CHODL: variants seen among roughly 807,000 people sequenced by gnomAD.
The protein encoded by CHODL is transmembrane protein MT75.
Under a neutral mutation model 34.5 loss-of-function variants are expected in CHODL, and 29 were observed. That is an observed-to-expected ratio of 0.84 (90% CI 0.63 to 1.15). The LOEUF is 1.15. Among genes scored for constraint, CHODL ranks in the 50% most tolerant of loss-of-function variants. The pLI, the probability that CHODL is intolerant of heterozygous loss-of-function variation, is 0.00. For missense variants in CHODL, 332 were observed against 332.5 expected (o/e 1.00, Z 0.01); for synonymous variants, 125 against 116.1 (o/e 1.08, Z -0.49).
Position 17,962,439 on chromosome 21 carries a change from A to G in CHODL, c.-145+45039A>G, listed in dbSNP as rs114367581. On this transcript the variant is annotated intron_variant, in intron 1 of 6. Transcript: ENST00000400127. ...TCATGAGCTGAAGGTAGATTTGGGC[A>G]GTGATTCTGAAACAGATTCTCTTGA... 2.1e-3 allele frequency among the ~76,000 whole-genome samples: 324 copies of G among 152,264 alleles called. 1 individual carries two copies. The highest frequency in any genetic ancestry group is 7.4e-3 in the African/African-American group (309 of 41,560).
At chr21:18,034,945 T>C (rs571828252) in intron 2 of CHODL, among the ~76,000 whole-genome samples, 1 of 152,120 alleles carries the variant, frequency 6.6e-6, no homozygotes, top group South Asian at 2.1e-4. Flanking sequence ...TCATCTCAGA[T>C]GAGAGAAACA....
chr21:18,077,894 C>G (rs1002886534), intron 2 of CHODL, among the ~76,000 whole-genome samples: 3 of 152,272 alleles, frequency 2.0e-5, no homozygotes, highest in African/African-American at 2.4e-5. Context: ...CTTTCTCCTT[C>G]TTTTCCCAAC....
chr21:18,204,175 C>G (rs2073686572), intron 2 of CHODL, among the ~76,000 whole-genome samples: 1 of 152,022 alleles, frequency 6.6e-6, no homozygotes, highest in Admixed American at 6.5e-5. Context: ...GCTAAGAGAA[C>G]ATATTTTGAA....
intron 2 of CHODL, among the ~76,000 whole-genome samples, chr21:18,162,046 T>A (rs1456620783): frequency 6.6e-6 from 1 of 152,166 alleles, no homozygotes; most frequent in Non-Finnish European, 1.5e-5. Context: ...CCACCTGTAA[T>A]TTATGCTCTC....
intron 1 of CHODL, among the ~76,000 whole-genome samples, chr21:17,971,482 C>G (rs1329448179): frequency 6.6e-6 from 1 of 152,268 alleles, no homozygotes; most frequent in South Asian, 2.1e-4. Flanking sequence ...CTCTAATGAC[C>G]AGTGATGATG....
rs1297884785 is a variant in CHODL at position 18,266,712 on chromosome 21, T to A, written c.*674T>A. The stretch of plus-strand genomic sequence containing the variant: ...TATAAACCTCCTCAAACATTTTACT[T>A]AGAGGCAAGGATTGTCTAATTTCAA... On this transcript the variant is annotated 3_prime_UTR_variant, in exon 6 of 6. Coordinates refer to ENST00000299295, the MANE Select transcript of CHODL (RefSeq NM_024944.3). 1 of 152,778 alleles carries A rather than the reference T, an allele frequency of 6.5e-6. No homozygotes were observed. Among genetic ancestry groups the A allele is most frequent in the Non-Finnish European group, 1.5e-5 (1 of 68,156 alleles). 9.5% of individuals were successfully genotyped at this position (152,778 alleles called of 1,614,324 possible). A position where few individuals can be genotyped will look rare whatever the true frequency, so the allele number is the denominator to read the frequency against.
intron 1 of CHODL, among the ~76,000 whole-genome samples, chr21:17,938,493 TA>T (rs1256516797): frequency 5.6e-5 from 3 of 54,026 alleles, no homozygotes; most frequent in East Asian, 6.5e-4. Flanking sequence ...TTTTTTTTTT[TA>T]AGGAAAGGGA....
At chr21:18,227,454 A>T (rs2073940978) in intron 2 of CHODL, among the ~76,000 whole-genome samples, 1 of 152,192 alleles carries the variant, frequency 6.6e-6, no homozygotes, top group Non-Finnish European at 1.5e-5. Flanking sequence ...TACAACATAT[A>T]TGTTGTGTGT....
At chr21:18,094,589 A>G (rs1247778142) in intron 2 of CHODL, among the ~76,000 whole-genome samples, 1 of 152,144 alleles carries the variant, frequency 6.6e-6, no homozygotes, top group African/African-American at 2.4e-5. Context: ...ATTAAACAAT[A>G]TGCTTCTGAA....
chr21:18,044,755 G>C (rs892752061), intron 2 of CHODL, among the ~76,000 whole-genome samples: 14 of 151,698 alleles, frequency 9.2e-5, no homozygotes, highest in African/African-American at 3.4e-4. Flanking sequence ...TGGTCCTCTT[G>C]ATTAAATTTT....
chr21:18,075,602 C>T (rs774478499), intron 2 of CHODL, among the ~76,000 whole-genome samples: 12 of 152,078 alleles, frequency 7.9e-5, no homozygotes, highest in Non-Finnish European at 1.8e-4. Context: ...TAAGAATATA[C>T]GGAAAACTGG....
chr21:18,200,997 G>A (rs1183106570), intron 2 of CHODL, among the ~76,000 whole-genome samples: 1 of 152,154 alleles, frequency 6.6e-6, no homozygotes. Flanking sequence ...CTCCTTGATT[G>A]CAGACTTCTG....
At chr21:18,045,600 A>C (rs1282830617) in intron 2 of CHODL, among the ~76,000 whole-genome samples, 5 of 151,952 alleles carry the variant, frequency 3.3e-5, no homozygotes, top group African/African-American at 1.2e-4. Context: ...TGTCCTCTAA[A>C]ACTGTGAGAG....
intron 2 of CHODL, among the ~76,000 whole-genome samples, chr21:18,142,571 C>A (rs956479012): frequency 2.0e-5 from 3 of 152,126 alleles, no homozygotes; most frequent in Admixed American, 6.6e-5. Context: ...GAGAAGACTG[C>A]AGATTACGGT....
intron 2 of CHODL, among the ~76,000 whole-genome samples, chr21:18,119,895 G>A (rs1568896239): frequency 6.6e-6 from 1 of 152,078 alleles, no homozygotes; most frequent in Non-Finnish European, 1.5e-5. Flanking sequence ...TAGGATCCAA[G>A]CCTCCGATTT....
intron 1 of CHODL, among the ~76,000 whole-genome samples, chr21:18,249,025 ATAT>A (rs1446241857): frequency 5.9e-5 from 7 of 118,216 alleles, no homozygotes; most frequent in South Asian, 2.2e-4. Flanking sequence ...ATTATACATA[ATAT>A]TAATATATAT....
In CHODL at chr21:17,976,742, C is replaced by A. The variant is rs550906184; in HGVS notation, c.-144-51130C>A. ...TTATATTTTGTTTTTTAAATATATT[C>A]TTTGTTTCTAATTTACTAAGATAAT... is the stretch of plus-strand genomic sequence containing the variant. On this transcript the variant is annotated intron_variant, in intron 1 of 6. Coordinates refer to the CHODL transcript ENST00000400127. 5.9e-5 allele frequency among the ~76,000 whole-genome samples: 9 copies of A among 151,980 alleles called. No individual in the cohort carries two copies. In the South Asian group the frequency reaches 1.9e-3, roughly 32 times the overall value.
intron 1 of CHODL, among the ~76,000 whole-genome samples, chr21:17,959,477 CT>C (rs1416196229): frequency 2.6e-5 from 4 of 152,134 alleles, no homozygotes; most frequent in Non-Finnish European, 4.4e-5. Context: ...TATACTCTGA[CT>C]TTTGATGAAA....
chr21:18,184,569 A>G (rs2073418247), intron 2 of CHODL, among the ~76,000 whole-genome samples: 1 of 152,220 alleles, frequency 6.6e-6, no homozygotes. Flanking sequence ...AAAACAATAA[A>G]ACAATGTGGT....
Sources: allele counts gnomAD v4.1 joint callset (sites outside exome capture counted in the v4.1 genomes callset), GRCh38; gene constraint gnomAD v4.1.1; transcripts MANE v1.5; gene names NCBI Gene and HGNC (gene_info 2026-07-23, HGNC 2026-07-21).